TRIO: variants seen among roughly 807,000 people sequenced by gnomAD.
TRIO encodes triple functional domain protein.
TRIO carries 58 observed loss-of-function variants against 351.9 expected under a neutral mutation model. That is an observed-to-expected ratio of 0.16 (90% CI 0.13 to 0.21). The LOEUF is 0.21. TRIO is among the 10% of genes least tolerant of loss of function. TRIO has a pLI of 1.00. For missense variants in TRIO, 3,201 were observed against 4,027.8 expected (o/e 0.79, Z 5.56); for synonymous variants, 1,758 against 1,595.7 (o/e 1.10, Z -2.42).
In TRIO at chr5:14,465,718, T is replaced by C. The variant is rs1489395798; in HGVS notation, c.5763+78T>C. 4.0e-6 allele frequency: 6 copies of C among 1,483,672 alleles called. No homozygotes were observed. In the Admixed American group the frequency reaches 1.1e-4, roughly 27 times the overall value. 91.9% of individuals were successfully genotyped at this position (1,483,672 alleles called of 1,614,324 possible). A position where few individuals can be genotyped will look rare whatever the true frequency, so the allele number is the denominator to read the frequency against. On this transcript the variant is annotated intron_variant, in intron 37 of 56. Transcript: ENST00000344204. ...TTGCAGATGGATTTGCCCTTGTCTT[T>C]GTATTGCTCTGGGCTGCAGAATGTG...
In TRIO at chr5:14,486,996, C is replaced by G. The variant is rs185876405; in HGVS notation, c.6836-468C>G. 7.9e-5 allele frequency among the ~76,000 whole-genome samples: 12 copies of G among 152,310 alleles called. No individual in the cohort carries two copies. The East Asian group carries it at 1.9e-3, about 24-fold the overall frequency. On this transcript the variant is annotated intron_variant, in intron 47 of 56. Transcript: ENST00000344204. ...TGTAAGAAAACTCAGGCACCCAAGT[C>G]AAGAGATGGGACAGCCTCCCGCTCC...
chr5:14,489,580 C>A, intron 48 of TRIO, among the ~76,000 whole-genome samples: 1 of 152,196 alleles, frequency 6.6e-6, no homozygotes, highest in Non-Finnish European at 1.5e-5. Context: ...CTGAATCTGC[C>A]AGTTAGCATC....
intron 18 of TRIO, among the ~76,000 whole-genome samples, chr5:14,370,922 A>T (rs1745050142): frequency 1.3e-5 from 2 of 152,256 alleles, no homozygotes; most frequent in African/African-American, 4.8e-5. Flanking sequence ...AGGTAAAATT[A>T]CAAAACAAAA....
intron 11 of TRIO, among the ~76,000 whole-genome samples, chr5:14,353,272 T>G (rs887083619): frequency 4.5e-4 from 27 of 59,824 alleles, no homozygotes; most frequent in Non-Finnish European, 8.2e-4. Flanking sequence ...CTAAGCAACT[T>G]TTTTTTTTTT....
chr5:14,371,241 A>G (rs1191472667), intron 18 of TRIO, among the ~76,000 whole-genome samples: 1 of 152,168 alleles, frequency 6.6e-6, no homozygotes, highest in African/African-American at 2.4e-5. Flanking sequence ...GATTTTTTTG[A>G]CTTACAATGG....
chr5:14,500,732 C>A (rs1017427578), intron 53 of TRIO, among the ~76,000 whole-genome samples: 6 of 151,854 alleles, frequency 4.0e-5, no homozygotes, highest in African/African-American at 1.5e-4. Flanking sequence ...TACAAAAATA[C>A]AAAAAATTAG....
intron 34 of TRIO, among the ~76,000 whole-genome samples, chr5:14,442,327 A>C (rs1039483023): frequency 1.3e-5 from 2 of 152,156 alleles, no homozygotes; most frequent in African/African-American, 4.8e-5. Context: ...CTTCCAGTTC[A>C]TTAAGAGCTC....
At chr5:14,375,709 A>G (rs149690926) in intron 19 of TRIO, among the ~76,000 whole-genome samples, 191 of 152,324 alleles carry the variant, frequency 1.3e-3, no homozygotes, top group African/African-American at 4.5e-3. Flanking sequence ...CCCCGTATCC[A>G]AGAGGGCGCT....
intron 11 of TRIO, among the ~76,000 whole-genome samples, chr5:14,339,807 G>A (rs1741774728): frequency 6.6e-6 from 1 of 152,192 alleles, no homozygotes; most frequent in East Asian, 1.9e-4. Flanking sequence ...AAACTCCCAG[G>A]AATCCTTGGT....
intron 1 of TRIO, among the ~76,000 whole-genome samples, chr5:14,246,041 CAT>C (rs1406308988): frequency 3.3e-5 from 5 of 152,190 alleles, no homozygotes; most frequent in African/African-American, 1.2e-4. Flanking sequence ...GAAAAACACT[CAT>C]TATCCATTCC....
At chr5:14,166,555 G>A (rs1033401805) in intron 1 of TRIO, among the ~76,000 whole-genome samples, 27 of 151,998 alleles carry the variant, frequency 1.8e-4, no homozygotes, top group African/African-American at 5.8e-4. Context: ...TTTCTTTTCC[G>A]AGCTGCAGTT....
At chr5:14,377,121 G>T (rs1745627132) in intron 19 of TRIO, among the ~76,000 whole-genome samples, 1 of 146,746 alleles carries the variant, frequency 6.8e-6, no homozygotes. Flanking sequence ...TTCTTGTTTG[G>T]TTATGACATT....
chr5:14,201,650 A>G (rs1581338356), intron 1 of TRIO, among the ~76,000 whole-genome samples: 1 of 152,148 alleles, frequency 6.6e-6, no homozygotes, highest in South Asian at 2.1e-4. Context: ...TGTAAAAATT[A>G]CTTCACTTAG....
intron 1 of TRIO, among the ~76,000 whole-genome samples, chr5:14,267,753 C>A (rs1475031284): frequency 6.6e-6 from 1 of 150,444 alleles, no homozygotes; most frequent in Non-Finnish European, 1.5e-5. Flanking sequence ...TTCCTGAGTT[C>A]TTTGCTTATT....
At chr5:14,348,406 G>C (rs1324042710) in intron 11 of TRIO, among the ~76,000 whole-genome samples, 2 of 152,202 alleles carry the variant, frequency 1.3e-5, no homozygotes, top group East Asian at 3.8e-4. Flanking sequence ...GTAAGGACTG[G>C]CCACAGTTCT....
rs149953451 is a variant in TRIO, at chr5:14,336,341, A to G, written c.1855-195A>G. Among the ~76,000 whole-genome samples, 541 of 152,324 alleles carry G rather than the reference A, an allele frequency of 3.6e-3. 1 individual carries two copies. Among genetic ancestry groups the G allele is most frequent in the African/African-American group, 0.012 (491 of 41,560 alleles). ...TTGATATGGGGTTCAAAGTTTAACA[A>G]TCTAAAACAACAGCGGGAAAGGAAT... On this transcript the variant is annotated intron_variant, in intron 10 of 56. Transcript: ENST00000344204.
intron 1 of TRIO, among the ~76,000 whole-genome samples, chr5:14,239,262 C>A (rs1258160742): frequency 6.6e-6 from 1 of 152,004 alleles, no homozygotes; most frequent in African/African-American, 2.4e-5. Context: ...AGTAAGGACT[C>A]AACCTCCCCT....
intron 1 of TRIO, among the ~76,000 whole-genome samples, chr5:14,229,540 T>A (rs1034627801): frequency 6.6e-6 from 1 of 152,248 alleles, no homozygotes; most frequent in Non-Finnish European, 1.5e-5. Context: ...GTTGGTGTTA[T>A]GTAATTTGAC....
chr5:14,452,360 CTT>C (rs1165064817), intron 34 of TRIO, among the ~76,000 whole-genome samples: 1 of 152,190 alleles, frequency 6.6e-6, no homozygotes, highest in Non-Finnish European at 1.5e-5. Flanking sequence ...TTTCCAAAGA[CTT>C]TTTTCATACC....
Sources: gnomAD v4.1 joint callset for allele counts (sites outside exome capture counted in the v4.1 genomes callset) on GRCh38, gnomAD v4.1.1 for gene constraint, MANE v1.5 for transcripts, NCBI Gene and HGNC (gene_info 2026-07-23, HGNC 2026-07-21) for gene names.